Variants in MYMK observed in about 807,000 individuals in gnomAD.
MYMK encodes myomaker, myoblast fusion factor.
In MYMK, 16 loss-of-function variants were observed where a neutral mutation model predicts 22.4. That is an observed-to-expected ratio of 0.72 (90% CI 0.48 to 1.09). The LOEUF is 1.09. Ranked by LOEUF, MYMK falls within the 50% of genes least tolerant of loss-of-function variation. The probability of loss-of-function intolerance (pLI) is 0.00; values close to 1 mark genes in which losing one functional copy is unlikely to be tolerated. For missense variants in MYMK, 250 were observed against 295.6 expected (o/e 0.85, Z 1.13); for synonymous variants, 125 against 127.0 (o/e 0.98, Z 0.11).
At chr9:133,521,599 G>A (rs181746407) in intron 1 of MYMK, among the ~76,000 whole-genome samples, 5 of 152,336 alleles carry the variant, frequency 3.3e-5, no homozygotes. Context: ...AGAAGACTAT[G>A]CCGAGCTCTG....
chr9:133,523,952 G>C (rs765459240), intron 1 of MYMK, among the ~76,000 whole-genome samples: 2 of 152,096 alleles, frequency 1.3e-5, no homozygotes, highest in Non-Finnish European at 2.9e-5. Context: ...CAGAAAGAGA[G>C]AGAGAGAAGA....
chr9:133,516,886 G>A (rs1336835043), intron 3 of MYMK, among the ~76,000 whole-genome samples: 1 of 152,208 alleles, frequency 6.6e-6, no homozygotes, highest in East Asian at 1.9e-4. Flanking sequence ...CCCAAGAGGG[G>A]ACGAGGCTCA....
chr9:133,521,664 A>G (rs766544182), intron 1 of MYMK, among the ~76,000 whole-genome samples: 2 of 152,184 alleles, frequency 1.3e-5, no homozygotes, highest in Non-Finnish European at 2.9e-5. Flanking sequence ...GAGGAGGGTG[A>G]CCAGCGGTGG....
intron 3 of MYMK, among the ~76,000 whole-genome samples, chr9:133,517,012 A>T (rs1042484193): frequency 2.0e-5 from 3 of 152,182 alleles, no homozygotes; most frequent in African/African-American, 7.2e-5. Context: ...GGAGGCGGGC[A>T]GCCCATCCTC....
At chr9:133,518,100 G>A (rs1052762642) in intron 3 of MYMK, among the ~76,000 whole-genome samples, 1 of 152,250 alleles carries the variant, frequency 6.6e-6, no homozygotes, top group Non-Finnish European at 1.5e-5. Context: ...TGGCTCCCCA[G>A]GTCTGGGAGA....
rs1281989118 is a variant in MYMK, at chr9:133,520,187, C to A, written c.237G>T (p.Trp79Cys). The change falls in exon 2 of 5, where the codon TGG (tryptophan) becomes TGT (cysteine). Residue 79 changes from tryptophan to cysteine, a missense_variant. By Grantham distance (215) the Trp-to-Cys change is radical. Transcript: ENST00000339996. ...FSVYGTALSM[W>C]VSLMALADFD... ...TTGACCACTCACCCATCAGCGAGAC[C>A]CACATGCTCAGGGCTGTCCCGTAGA... 2 of 1,613,974 alleles carry A rather than the reference C, an allele frequency of 1.2e-6. No homozygotes were observed. Among genetic ancestry groups the A allele is most frequent in the Non-Finnish European group, 1.7e-6 (2 of 1,179,906 alleles).
Position 133,514,644 on chromosome 9 carries a change from A to C in MYMK, c.658T>G (p.Cys220Gly), listed in dbSNP as rs1342578624. The change falls in exon 5 of 5, where the codon TGT becomes GGT. Residue 220 changes from cysteine (C) to glycine (G), a missense_variant. Cys to Gly is a radical substitution (Grantham distance 159). Transcript: ENST00000339996. ...KLDCSTLCCACV is the reference protein window; with the variant it reads ...KLDCSTLCCAGV ...CCGGGCTGGGCGCAGCATCAGACAC[A>C]AGCACAGCACAGGGTGGAGCAGTCC... 1 of 1,613,396 alleles carries C rather than the reference A, an allele frequency of 6.2e-7. No homozygotes were observed. Among genetic ancestry groups the C allele is most frequent in the East Asian group, 2.2e-5 (1 of 44,890 alleles).
chr9:133,515,749 C>T lies in MYMK; in HGVS notation c.400-142G>A, dbSNP rs902139172. On this transcript the variant is annotated intron_variant, in intron 3 of 4. Coordinates refer to ENST00000339996, the MANE Select transcript of MYMK (RefSeq NM_001080483.3). The surrounding 1 kb of genome is among the most constrained non-coding windows in gnomAD (Gnocchi z 5.8). ...GAGAGGAGGCTCAGGAGCCTCCTGCCGCACCCAGCCTCAGATGGCTTCTGC... is the reference window on the plus strand; with the variant it reads ...GAGAGGAGGCTCAGGAGCCTCCTGCTGCACCCAGCCTCAGATGGCTTCTGC... 5.1e-5 allele frequency: 31 copies of T among 610,636 alleles called. No homozygotes were observed. Among genetic ancestry groups the T allele is most frequent in the Middle Eastern group, 3.4e-4 (1 of 2,960 alleles). The allele number at this position is 610,636 out of a possible 1,614,324, so 37.8% of individuals were successfully genotyped here.
intron 3 of MYMK, among the ~76,000 whole-genome samples, chr9:133,516,598 T>A (rs1160015357): frequency 1.3e-5 from 2 of 152,198 alleles, no homozygotes; most frequent in Admixed American, 6.5e-5. Flanking sequence ...ACCCAGTGAA[T>A]TATGAATTGA....
intron 4 of MYMK, 79 bp from the exon 5 acceptor site, chr9:133,514,864 C>CT: frequency 6.8e-7 from 1 of 1,468,496 alleles, no homozygotes; most frequent in Non-Finnish European, 9.2e-7. Flanking sequence ...AGCAGAGCCC[C>CT]TTCAGGCCCC....
chr9:133,522,345 G>C (rs1333971212), intron 1 of MYMK, among the ~76,000 whole-genome samples: 1 of 150,700 alleles, frequency 6.6e-6, no homozygotes, highest in East Asian at 1.9e-4. Flanking sequence ...GTGGCTGTCG[G>C]GGGGGGGCCT....
rs1844664053 is a variant in MYMK, at chr9:133,518,898, G to C, written c.375C>G (p.Ala125=). ...YGVYSGPIGT[A]ILIIAAKWLQ... Reference sequence around the variant, plus strand: ...CCCACTTTGCCGCGATGATGAGGATGGCTGTGCCGATGGGGCCCGAGTACA... The same window carrying C: ...CCCACTTTGCCGCGATGATGAGGATCGCTGTGCCGATGGGGCCCGAGTACA... The change falls in exon 3 of 5, where the codon GCC becomes GCG. Residue 125 remains alanine (A), a synonymous_variant. Coordinates refer to ENST00000339996, the MANE Select transcript of MYMK (RefSeq NM_001080483.3). 3 of 1,613,244 alleles carry C rather than the reference G, an allele frequency of 1.9e-6. No homozygotes were observed. Among genetic ancestry groups the C allele is most frequent in the Admixed American group, 1.7e-5 (1 of 59,994 alleles).
chr9:133,520,382 G>T, intron 1 of MYMK, 94 bp from the exon 2 acceptor site: 1 of 937,416 alleles, frequency 1.1e-6, no homozygotes, highest in Non-Finnish European at 1.7e-6. Flanking sequence ...TGCTGGCTGT[G>T]AGAAGTCACT....
chr9:133,518,388 C>G (rs552885775), intron 3 of MYMK, among the ~76,000 whole-genome samples: 40 of 152,348 alleles, frequency 2.6e-4, no homozygotes, highest in African/African-American at 9.4e-4. Context: ...GAGGCTCACT[C>G]CCTCCAGGAA....
chr9:133,517,602 G>C (rs1421364271), intron 3 of MYMK, among the ~76,000 whole-genome samples: 2 of 150,908 alleles, frequency 1.3e-5, no homozygotes, highest in African/African-American at 4.9e-5. Context: ...GGAGGCGGAG[G>C]TTGCAGTGAG....
rs544496834 is a variant in MYMK at position 133,515,396 on chromosome 9, C to T, written c.516+95G>A. ...GACTTTGGCCTGGGGCTGTCAGAGTCCCCCCAGCGTGGGCACAGCCCTGGT... is the reference window on the plus strand; with the variant it reads ...GACTTTGGCCTGGGGCTGTCAGAGTTCCCCCAGCGTGGGCACAGCCCTGGT... On this transcript the variant is annotated intron_variant, in intron 4 of 4. Transcript: ENST00000339996. This position sits in a 1 kb window ranked among gnomAD's most constrained non-coding sequence, Gnocchi z 5.8. The T allele has an allele frequency of 3.6e-6, 3 of 834,714 alleles. No homozygotes were observed. In the South Asian group the frequency reaches 4.7e-5, roughly 13 times the overall value. The allele number at this position is 834,714 out of a possible 1,614,324, so 51.7% of individuals were successfully genotyped here.
rs140745531 is a variant in MYMK, at chr9:133,520,926, T to C, written c.136-638A>G. ...GGGTTGCTGATTAGGGAGGGCTGGGTTGGGTAGAAAATGTGCATTTTGAAC... is the reference window on the plus strand; with the variant it reads ...GGGTTGCTGATTAGGGAGGGCTGGGCTGGGTAGAAAATGTGCATTTTGAAC... On this transcript the variant is annotated intron_variant, in intron 1 of 4. Coordinates refer to ENST00000339996, the MANE Select transcript of MYMK (RefSeq NM_001080483.3). Among the ~76,000 whole-genome samples, 474 of 152,240 alleles carry C rather than the reference T, an allele frequency of 3.1e-3. 1 individual carries two copies. The highest frequency in any genetic ancestry group is 0.011 in the African/African-American group (448 of 41,550).
In MYMK at chr9:133,518,886, G is replaced by A. The variant is rs749420718; in HGVS notation, c.387C>T (p.Ile129=). 30 of 1,612,742 alleles carry A rather than the reference G, an allele frequency of 1.9e-5. No individual in the cohort carries two copies. The highest frequency in any genetic ancestry group is 6.7e-5 in the African/African-American group (5 of 74,922). The change falls in exon 3 of 5, where the codon ATC becomes ATT. Residue 129 remains isoleucine, a synonymous_variant. Transcript: ENST00000339996. ...SGPIGTAILI[I]AAKWLQKMKE... ...GCGCAGTACGCACCCACTTTGCCGCGATGATGAGGATGGCTGTGCCGATGG... is the reference window on the plus strand; with the variant it reads ...GCGCAGTACGCACCCACTTTGCCGCAATGATGAGGATGGCTGTGCCGATGG...
intron 1 of MYMK, among the ~76,000 whole-genome samples, chr9:133,523,128 G>T (rs1318327486): frequency 2.0e-5 from 3 of 152,226 alleles, no homozygotes; most frequent in Non-Finnish European, 4.4e-5. Context: ...TGGAGGGAAT[G>T]CCTCGCTCCC....
Sources: gnomAD v4.1 joint callset for allele counts (sites outside exome capture counted in the v4.1 genomes callset) on GRCh38, gnomAD v4.1.1 for gene constraint, Gnocchi (gnomAD v3.1) non-coding constraint, MANE v1.5 for transcripts, NCBI Gene and HGNC (gene_info 2026-07-23, HGNC 2026-07-21) for gene names.